The following PRELID2 variants were observed in gnomAD, a reference collection of about 807,000 sequenced individuals.
PRELID2 encodes the protein PRELI domain-containing protein 2.
PRELID2 carries 25 observed loss-of-function variants against 28.4 expected under a neutral mutation model. That is an observed-to-expected ratio of 0.88 (90% CI 0.64 to 1.23). The LOEUF (loss-of-function observed/expected upper bound fraction) is 1.23. PRELID2 is among the 50% of genes most tolerant of loss of function. The probability of loss-of-function intolerance (pLI) is 0.00; values close to 1 mark genes in which losing one functional copy is unlikely to be tolerated. For missense variants in PRELID2, 201 were observed against 214.4 expected (o/e 0.94, Z 0.39); for synonymous variants, 76 against 71.6 (o/e 1.06, Z -0.31).
the PRELID2 span, among the ~76,000 whole-genome samples, chr5:145,422,015 T>C: frequency 4.7e-5 from 7 of 149,318 alleles, no homozygotes; most frequent in Non-Finnish European, 8.9e-5. Context: ...AGGAGCAGGT[T>C]GTTCAGTTTC....
chr5:145,587,908 A>G (rs1753176090), intron 1 of PRELID2, among the ~76,000 whole-genome samples: 1 of 152,186 alleles, frequency 6.6e-6, no homozygotes, highest in Non-Finnish European at 1.5e-5. Flanking sequence ...TATGATAGCA[A>G]ATGAGTAAGA....
chr5:145,349,091 A>G, the PRELID2 span, among the ~76,000 whole-genome samples: 1 of 152,118 alleles, frequency 6.6e-6, no homozygotes, highest in Non-Finnish European at 1.5e-5. Flanking sequence ...CTTTGTGAAC[A>G]TGATTTATCT....
the PRELID2 span, among the ~76,000 whole-genome samples, chr5:145,363,854 C>T: frequency 3.9e-4 from 60 of 152,000 alleles, no homozygotes; most frequent in Non-Finnish European, 7.8e-4. Flanking sequence ...TACCAGTGAA[C>T]ATTTGGAGTA....
At chr5:145,551,004 C>T (rs1482079658) in intron 1 of PRELID2, among the ~76,000 whole-genome samples, 2 of 152,076 alleles carry the variant, frequency 1.3e-5, no homozygotes, top group African/African-American at 2.4e-5. Flanking sequence ...AAAAACTATA[C>T]TAATATTATC....
At chr5:145,434,602 G>A in the PRELID2 span, among the ~76,000 whole-genome samples, 1 of 152,030 alleles carries the variant, frequency 6.6e-6, no homozygotes, top group Non-Finnish European at 1.5e-5. Context: ...AGAGGAGATG[G>A]GCCCAAGGCC....
chr5:145,408,178 T>A, the PRELID2 span, among the ~76,000 whole-genome samples: 1 of 152,006 alleles, frequency 6.6e-6, no homozygotes, highest in Non-Finnish European at 1.5e-5. Context: ...ATCTTTCCAC[T>A]GAAACAGTCT....
chr5:145,708,813 C>T (rs776714733), intron 1 of PRELID2, among the ~76,000 whole-genome samples: 4 of 152,182 alleles, frequency 2.6e-5, no homozygotes, highest in Non-Finnish European at 5.9e-5. Context: ...TATGCCAGTG[C>T]CAAGTTTCCT....
At chr5:145,296,452 T>C in the PRELID2 span, among the ~76,000 whole-genome samples, 2 of 151,438 alleles carry the variant, frequency 1.3e-5, no homozygotes, top group Non-Finnish European at 2.9e-5. Context: ...TTTGGTTTTT[T>C]GTTCTTGTGA....
At chr5:145,264,269 C>A in the PRELID2 span, among the ~76,000 whole-genome samples, 8 of 152,090 alleles carry the variant, frequency 5.3e-5, no homozygotes, top group African/African-American at 1.9e-4. Context: ...CTGAATTCAA[C>A]AGCAAATCAA....
chr5:145,597,652 C>T (rs1310206907), intron 1 of PRELID2, among the ~76,000 whole-genome samples: 1 of 152,122 alleles, frequency 6.6e-6, no homozygotes, highest in Non-Finnish European at 1.5e-5. Context: ...ATATGGCATT[C>T]TACATGTTAA....
chr5:145,386,042 AC>A, the PRELID2 span, among the ~76,000 whole-genome samples: 3 of 151,976 alleles, frequency 2.0e-5, no homozygotes, highest in African/African-American at 7.2e-5. Context: ...ATAAAGACAT[AC>A]CCAAGACTAG....
At chr5:145,273,370 G>C in the PRELID2 span, among the ~76,000 whole-genome samples, 34 of 152,032 alleles carry the variant, frequency 2.2e-4, no homozygotes, top group Non-Finnish European at 1.6e-4. Flanking sequence ...TTCACCACCC[G>C]CTACCACCTG....
chr5:145,463,582 T>C, the PRELID2 span, among the ~76,000 whole-genome samples: 1 of 152,196 alleles, frequency 6.6e-6, no homozygotes. Context: ...TGCAACTTCA[T>C]AACGGGAAGG....
chr5:145,534,987 G>C (rs1388770151), intron 1 of PRELID2, among the ~76,000 whole-genome samples: 1 of 151,884 alleles, frequency 6.6e-6, no homozygotes, highest in Non-Finnish European at 1.5e-5. Flanking sequence ...TTGTCTGACA[G>C]AGCCCTTGAC....
intron 1 of PRELID2, among the ~76,000 whole-genome samples, chr5:145,641,084 T>C (rs1303600023): frequency 3.3e-5 from 5 of 152,132 alleles, no homozygotes; most frequent in South Asian, 2.1e-4. Context: ...ACTTACAATA[T>C]TGGGGTAGAA....
chr5:145,332,513 A>T, the PRELID2 span, among the ~76,000 whole-genome samples: 1 of 151,784 alleles, frequency 6.6e-6, no homozygotes, highest in Non-Finnish European at 1.5e-5. Flanking sequence ...TATTTCATTA[A>T]GTTGATCTTC....
In PRELID2 at chr5:145,584,197, C is replaced by T. The variant is rs536804318; in HGVS notation, n.71-110882G>A. Among the ~76,000 whole-genome samples the T allele has an allele frequency of 5.3e-5, 8 of 152,146 alleles. No homozygotes were observed. In the East Asian group the frequency reaches 1.5e-3, roughly 29 times the overall value. On this transcript the variant is annotated intron_variant and non_coding_transcript_variant, in intron 1 of 2. Transcript: ENST00000510259. ...AAAACAAGCAATAGGGAAAGGATTCCCTATTTAATAAGTGATGCTAGGAGA... is the reference window on the plus strand; with the variant it reads ...AAAACAAGCAATAGGGAAAGGATTCTCTATTTAATAAGTGATGCTAGGAGA...
At chr5:145,528,662 C>T (rs976327205) in intron 1 of PRELID2, among the ~76,000 whole-genome samples, 2 of 147,616 alleles carry the variant, frequency 1.4e-5, no homozygotes, top group Non-Finnish European at 3.0e-5. Context: ...TGCCATTCTG[C>T]TTTGGGCCGT....
chr5:145,452,260 G>A, the PRELID2 span, among the ~76,000 whole-genome samples: 38,711 of 152,014 alleles, frequency 0.25, 4,965 homozygotes, highest in South Asian at 0.36. Flanking sequence ...TATAGTCCAT[G>A]CTCATTAGCA....
Sources: gnomAD v4.1 joint callset for allele counts (sites outside exome capture counted in the v4.1 genomes callset) on GRCh38, gnomAD v4.1.1 for gene constraint, MANE v1.5 for transcripts, NCBI Gene and HGNC (gene_info 2026-07-23, HGNC 2026-07-21) for gene names.